The following CLIC2 variants were observed in gnomAD, a reference collection of about 807,000 sequenced individuals.
CLIC2 encodes CLIC family member 2, also known as chloride intracellular channel protein 2.
In CLIC2, 9 loss-of-function variants were observed where a neutral mutation model predicts 14.8. The ratio of observed to expected loss-of-function variants is 0.61; its 90% CI spans 0.37 to 1.06. CLIC2 has a LOEUF of 1.06. Ranked by LOEUF, CLIC2 falls within the 50% of genes least tolerant of loss-of-function variation. The probability of loss-of-function intolerance (pLI) is 0.01; values close to 1 mark genes in which losing one functional copy is unlikely to be tolerated. For synonymous variants in CLIC2, 61 were observed against 66.3 expected (o/e 0.92, Z 0.39); for missense variants, 148 against 181.4 (o/e 0.82, Z 1.06).
At chrX:155,292,598 G>T (rs932019922) in intron 3 of CLIC2, 12 of 319,944 alleles carry the variant, frequency 3.8e-5, no homozygotes, top group Non-Finnish European at 6.5e-5. Flanking sequence ...GTGAAACCCC[G>T]TCTCTACTAA....
chrX:155,312,812 TC>T (rs1419083521), intron 1 of CLIC2, among the ~76,000 whole-genome samples: 1 of 111,753 alleles, frequency 8.9e-6, no homozygotes, highest in Non-Finnish European at 1.9e-5. Context: ...GGAATGTTTT[TC>T]CATATGCATC....
chrX:155,302,040 C>CT (rs1200611313), intron 1 of CLIC2, among the ~76,000 whole-genome samples: 73 of 102,747 alleles, frequency 7.1e-4, no homozygotes, highest in African/African-American at 2.5e-3. Flanking sequence ...CTAAAATTCT[C>CT]TTTTTTTGTT....
In CLIC2 at chrX:155,279,249, T is replaced by A. The variant is rs1557316149; in HGVS notation, c.482A>T (p.Asp161Val). Reference sequence around the variant, plus strand: ...GGAAACTGGGGGTTCCTCAGCACTGTCTGGATCAATTTCATCCAGAAGTGG... The same window carrying A: ...GGAAACTGGGGGTTCCTCAGCACTGACTGGATCAATTTCATCCAGAAGTGG... ...NTPLLDEIDP[D>V]SAEEPPVSRR... Residue 161 changes from aspartate to valine, a missense_variant, in exon 5 of 6, where the codon GAC becomes GTC. By Grantham distance (152) the Asp-to-Val change is radical (BLOSUM62 -3). Coordinates refer to ENST00000369449, the MANE Select transcript of CLIC2 (RefSeq NM_001289.6). The A allele has an allele frequency of 1.7e-6, 2 of 1,208,980 alleles. No homozygotes were observed. Among genetic ancestry groups the A allele is most frequent in the Admixed American group, 4.3e-5 (2 of 46,061 alleles).
At chrX:155,316,740 A>G (rs1319404723) in intron 1 of CLIC2, among the ~76,000 whole-genome samples, 3 of 110,876 alleles carry the variant, frequency 2.7e-5, no homozygotes, top group Non-Finnish European at 5.7e-5. Flanking sequence ...TAAGCTGAGG[A>G]GCAAGGAGAA....
intron 1 of CLIC2, among the ~76,000 whole-genome samples, chrX:155,330,859 A>G (rs1037459690): frequency 2.7e-5 from 3 of 109,826 alleles, no homozygotes; most frequent in Non-Finnish European, 3.8e-5. Flanking sequence ...TAAAATCACC[A>G]AGAATTATGA....
chrX:155,279,457 T>C (rs1246809558), intron 4 of CLIC2, 127 bp from the exon 5 acceptor site: 1 of 495,494 alleles, frequency 2.0e-6, no homozygotes, highest in Non-Finnish European at 3.5e-6. Flanking sequence ...CTCTTCAATA[T>C]CTAGTTAACT....
intron 1 of CLIC2, among the ~76,000 whole-genome samples, chrX:155,326,587 T>C (rs2075139258): frequency 1.8e-5 from 2 of 111,930 alleles, no homozygotes; most frequent in African/African-American, 6.5e-5. Context: ...TTGGCATTTA[T>C]CTCAGAGAAA....
chrX:155,298,786 T>A lies in CLIC2; in HGVS notation c.292A>T (p.Arg98Trp). 8.3e-7 allele frequency: 1 copy of A among 1,210,452 alleles called. No homozygotes were observed. Among genetic ancestry groups the A allele is most frequent in the Non-Finnish European group, 1.1e-6 (1 of 894,516 alleles). Residue 98 changes from arginine to tryptophan, a missense_variant and splice_region_variant, in exon 3 of 6, where the codon AGG becomes TGG. By Grantham distance (101) the Arg-to-Trp change is moderately radical. Transcript: ENST00000369449. ...EFLEQTLAPPRYPHLSPKYKE... is the reference protein window; with the variant it reads ...EFLEQTLAPPWYPHLSPKYKE... ...AATAGTATCTTGTAAATGCTGTACC[T>A]TGGAGGAGCCAGGGTTTGTTCTAAA...
chrX:155,282,691 T>C (rs1427081863), intron 3 of CLIC2, among the ~76,000 whole-genome samples: 1 of 111,196 alleles, frequency 9.0e-6, no homozygotes, highest in Non-Finnish European at 1.9e-5. Flanking sequence ...ACAGCCACTG[T>C]ACCCCCAGAC....
chrX:155,298,241 T>C (rs2075001180), intron 3 of CLIC2, among the ~76,000 whole-genome samples: 1 of 112,010 alleles, frequency 8.9e-6, no homozygotes, highest in Non-Finnish European at 1.9e-5. Flanking sequence ...TGTTTTAAGA[T>C]ACTAAGTTTG....
At chrX:155,304,799 G>C (rs1189658110) in intron 1 of CLIC2, among the ~76,000 whole-genome samples, 1 of 75,947 alleles carries the variant, frequency 1.3e-5, no homozygotes, top group East Asian at 4.6e-4. Context: ...CCTTCTAACA[G>C]ACAGGACCCT....
In CLIC2 at chrX:155,287,611, G is replaced by A. The variant is rs1291596859; in HGVS notation, c.294-7543C>T. On this transcript the variant is annotated intron_variant, in intron 3 of 5. Transcript: ENST00000369449. ...GGCCTCCAAAAGTGCAGGGATTACAGGTGTTGTATCAGTACCATGCTGTGT... is the reference window on the plus strand; with the variant it reads ...GGCCTCCAAAAGTGCAGGGATTACAAGTGTTGTATCAGTACCATGCTGTGT... Among the ~76,000 whole-genome samples, 5 of 111,996 alleles carry A rather than the reference G, an allele frequency of 4.5e-5. No individual in the cohort carries two copies. In the East Asian group the frequency reaches 1.4e-3, roughly 31 times the overall value.
At chrX:155,311,103 T>C (rs1283731043) in intron 1 of CLIC2, among the ~76,000 whole-genome samples, 8 of 112,270 alleles carry the variant, frequency 7.1e-5, no homozygotes, top group African/African-American at 2.6e-4. Flanking sequence ...TTCCCCATTG[T>C]CTTGGTGATT....
intron 5 of CLIC2, chrX:155,278,833 G>T (rs1487530749): frequency 4.9e-6 from 1 of 203,433 alleles, no homozygotes; most frequent in Non-Finnish European, 8.9e-6. Flanking sequence ...CTACTCAAGA[G>T]TGGGGTGGGA....
At chrX:155,297,088 A>G (rs1279987880) in intron 3 of CLIC2, among the ~76,000 whole-genome samples, 2 of 112,422 alleles carry the variant, frequency 1.8e-5, no homozygotes, top group Non-Finnish European at 3.8e-5. Context: ...AAATGGATAA[A>G]GAAAGTGTGG....
At chrX:155,325,083 GC>G (rs1256931590) in intron 1 of CLIC2, among the ~76,000 whole-genome samples, 1 of 112,038 alleles carries the variant, frequency 8.9e-6, no homozygotes, top group Admixed American at 9.5e-5. Context: ...AGTTAAAATG[GC>G]AATCATTAAA....
Position 155,290,890 on chromosome X carries a change from C to G in CLIC2, c.293+7895G>C, listed in dbSNP as rs1267807316. On this transcript the variant is annotated intron_variant, in intron 3 of 5. Coordinates refer to ENST00000369449, the MANE Select transcript of CLIC2 (RefSeq NM_001289.6). ...GCTTAGCGTCCACACCCACGTCAGT[C>G]TGTACCTCATTGATTTTAATGTCAT... 22 of 675,356 alleles carry G rather than the reference C, an allele frequency of 3.3e-5. No homozygotes were observed. The African/African-American group carries it at 4.3e-4, about 13-fold the overall frequency. The allele number at this position is 675,356 out of a possible 1,213,427, so 55.7% of individuals were successfully genotyped here.
At chrX:155,291,943 G>T (rs367747937) in intron 3 of CLIC2, among the ~76,000 whole-genome samples, 1 of 112,073 alleles carries the variant, frequency 8.9e-6, no homozygotes, top group Admixed American at 9.4e-5. Context: ...CCGCAGCCCC[G>T]CGGCCATGCG....
At chrX:155,292,833 A>G in intron 3 of CLIC2, 1 of 953,339 alleles carries the variant, frequency 1.0e-6, no homozygotes, top group Non-Finnish European at 1.5e-6. Context: ...CAGCAACTTA[A>G]ACCGGGAACG....
Sources: allele counts gnomAD v4.1 joint callset (sites outside exome capture counted in the v4.1 genomes callset), GRCh38; gene constraint gnomAD v4.1.1; transcripts MANE v1.5; gene names NCBI Gene and HGNC (gene_info 2026-07-23, HGNC 2026-07-21).